SEC14L6: variants seen among roughly 807,000 people sequenced by gnomAD.
SEC14L6 encodes SEC14-like protein 6.
SEC14L6 carries 40 observed loss-of-function variants against 54.1 expected under a neutral mutation model. The observed-to-expected ratio is 0.74, with a 90% confidence interval of 0.57 to 0.96. SEC14L6 has a LOEUF of 0.96. Among genes scored for constraint, SEC14L6 ranks in the 40% least tolerant of loss-of-function variants. The probability of loss-of-function intolerance (pLI) is 0.00; values close to 1 mark genes in which losing one functional copy is unlikely to be tolerated. For synonymous variants in SEC14L6, 171 were observed against 198.4 expected (o/e 0.86, Z 1.16); for missense variants, 471 against 498.3 (o/e 0.95, Z 0.52).
rs1224013209 is a variant in SEC14L6, at chr22:30,544,126, C to T, written c.54+2503G>A. 2.6e-5 allele frequency: 34 copies of T among 1,311,874 alleles called. No homozygotes were observed. In the East Asian group the frequency reaches 7.5e-4, roughly 29 times the overall value. The allele number at this position is 1,311,874 out of a possible 1,614,324, so 81.3% of individuals were successfully genotyped here. A position where few individuals can be genotyped will look rare whatever the true frequency, so the allele number is the denominator to read the frequency against. On this transcript the variant is annotated intron_variant, in intron 1 of 11. Coordinates refer to ENST00000402034, the MANE Select transcript of SEC14L6 (RefSeq NM_001193336.4). ...TCTAGCACCCATCTCCATGCTCTTC[C>T]TTGTCCCACAAGGAGCCGCCATGAT... is the stretch of plus-strand genomic sequence containing the variant.
At chr22:30,537,854 T>A (rs1008810171) in intron 2 of SEC14L6, among the ~76,000 whole-genome samples, 1 of 152,270 alleles carries the variant, frequency 6.6e-6, no homozygotes, top group Non-Finnish European at 1.5e-5. Context: ...CTTTTCTGTC[T>A]ATAAAGCCAA....
rs753028198 is a variant in SEC14L6, at chr22:30,525,486, G to A, written c.945C>T (p.Gly315=). Residue 315 remains glycine, a synonymous_variant, in exon 11 of 12, where the codon GGC becomes GGT. Coordinates refer to ENST00000402034, the MANE Select transcript of SEC14L6 (RefSeq NM_001193336.4). ...TCTTGGTCTTCAGGAAAACCCCAAA[G>A]CCAATGTCCCCACCATCTGAAGCAA... ...WQFASDGGDI[G]FGVFLKTKMG... 1.4e-5 allele frequency: 22 copies of A among 1,613,996 alleles called. No individual in the cohort carries two copies. The African/African-American group carries it at 2.7e-4, about 20-fold the overall frequency.
intron 6 of SEC14L6, 68 bp from the exon 7 acceptor site, chr22:30,529,417 C>T: frequency 7.9e-7 from 1 of 1,259,916 alleles, no homozygotes; most frequent in South Asian, 1.3e-5. Flanking sequence ...TCTCGCCCCA[C>T]CCTCCAGGAC....
intron 1 of SEC14L6, chr22:30,543,240 T>G (rs1035133832): frequency 8.6e-5 from 137 of 1,599,412 alleles, no homozygotes; most frequent in Non-Finnish European, 1.1e-4. Flanking sequence ...ACATTCACTC[T>G]CAAGTCATCT....
At chr22:30,542,132 T>TC (rs2085729105) in intron 1 of SEC14L6, among the ~76,000 whole-genome samples, 1 of 151,668 alleles carries the variant, frequency 6.6e-6, no homozygotes, top group African/African-American at 2.4e-5. Flanking sequence ...ACCGCGACCC[T>TC]CCCCATCCGT....
chr22:30,529,513 C>A (rs1308331360), intron 6 of SEC14L6, among the ~76,000 whole-genome samples, 164 bp from the exon 7 acceptor site: 1 of 152,158 alleles, frequency 6.6e-6, no homozygotes, highest in Non-Finnish European at 1.5e-5. Flanking sequence ...AAGAACCCAC[C>A]CAGACACAGA....
In SEC14L6 at chr22:30,544,035, C is replaced by T. The variant is rs2085771589; in HGVS notation, c.54+2594G>A. On this transcript the variant is annotated intron_variant, in intron 1 of 11. Transcript: ENST00000402034. ...CCCCCAAGCAGCTGGCCCCCAAGCC[C>T]GAGCTGTCCTTCTCAGAGTATGCCA... 3.2e-6 allele frequency: 5 copies of T among 1,558,684 alleles called. No individual in the cohort carries two copies. The South Asian group carries it at 3.3e-5, about 10-fold the overall frequency.
chr22:30,544,429 C>T lies in SEC14L6; in HGVS notation c.54+2200G>A, dbSNP rs572213155. Reference sequence around the variant, plus strand: ...TGACTACCTCCCCGATGCTCCGAAGCCTGATCTTCCAGGGTGGGGAGGAGA... The same window carrying T: ...TGACTACCTCCCCGATGCTCCGAAGTCTGATCTTCCAGGGTGGGGAGGAGA... On this transcript the variant is annotated intron_variant, in intron 1 of 11. Transcript: ENST00000402034. The T allele has an allele frequency of 6.4e-5, 11 of 172,898 alleles. No homozygotes were observed. The South Asian group carries it at 1.7e-3, about 26-fold the overall frequency. 10.7% of individuals were successfully genotyped at this position (172,898 alleles called of 1,614,324 possible).
At chr22:30,540,866 A>G (rs529233707) in intron 1 of SEC14L6, among the ~76,000 whole-genome samples, 293 of 152,094 alleles carry the variant, frequency 1.9e-3, no homozygotes, top group Middle Eastern at 6.8e-3. Context: ...TAAAAATACA[A>G]AAATTAGCTG....
chr22:30,532,078 A>G, intron 5 of SEC14L6, 80 bp from the exon 6 acceptor site: 1 of 1,506,958 alleles, frequency 6.6e-7, no homozygotes, highest in Admixed American at 2.2e-5. Flanking sequence ...GCCTAAGCCC[A>G]GGGCACTGGC....
At chr22:30,529,419 C>A in intron 6 of SEC14L6, 70 bp from the exon 7 acceptor site, 1 of 1,263,384 alleles carries the variant, frequency 7.9e-7, no homozygotes, top group South Asian at 1.3e-5. Context: ...TCGCCCCACC[C>A]TCCAGGACCC....
chr22:30,538,910 C>T lies in SEC14L6; in HGVS notation c.55-8G>A. The T allele has an allele frequency of 6.5e-7, 1 of 1,549,134 alleles. No individual in the cohort carries two copies. The highest frequency in any genetic ancestry group is 2.0e-5 in the Admixed American group (1 of 50,982). The stretch of plus-strand genomic sequence containing the variant: ...TTGGATGTTCTCCCGGAACTGAGGA[C>T]AGACAGGGAGAGACCTGGGTCAGAG... On this transcript the variant is annotated splice_region_variant and splice_polypyrimidine_tract_variant and intron_variant, in intron 1 of 11. Transcript: ENST00000402034.
intron 1 of SEC14L6, among the ~76,000 whole-genome samples, chr22:30,545,476 T>C (rs1409463739): frequency 6.6e-6 from 1 of 151,466 alleles, no homozygotes; most frequent in East Asian, 2.0e-4. Context: ...CTCACCGCAG[T>C]CTCGACCTCC....
chr22:30,536,992 C>T (rs2085610309), intron 2 of SEC14L6, among the ~76,000 whole-genome samples: 1 of 144,802 alleles, frequency 6.9e-6, no homozygotes, highest in Non-Finnish European at 1.5e-5. Context: ...CCACTGCACT[C>T]CAGCCTGGGT....
intron 3 of SEC14L6, among the ~76,000 whole-genome samples, chr22:30,533,557 C>T (rs1437879477): frequency 6.7e-6 from 1 of 150,246 alleles, no homozygotes; most frequent in Non-Finnish European, 1.5e-5. Flanking sequence ...GCTAAGATCA[C>T]GTCATTATAC....
intron 2 of SEC14L6, among the ~76,000 whole-genome samples, chr22:30,535,567 A>G (rs1358863079): frequency 1.3e-5 from 2 of 152,224 alleles, no homozygotes; most frequent in East Asian, 1.9e-4. Context: ...TAAGAGGCAG[A>G]GCGGGGACTA....
intron 1 of SEC14L6, among the ~76,000 whole-genome samples, chr22:30,546,213 A>C (rs948389843): frequency 6.6e-6 from 1 of 151,824 alleles, no homozygotes; most frequent in Non-Finnish European, 1.5e-5. Flanking sequence ...TTAAAACCCC[A>C]TCTCTACTAA....
At chr22:30,526,432 C>T (rs1324522798) in intron 8 of SEC14L6, among the ~76,000 whole-genome samples, 1 of 152,176 alleles carries the variant, frequency 6.6e-6, no homozygotes, top group Admixed American at 6.5e-5. Context: ...CAAGGATGTT[C>T]CACAAAGGGA....
At chr22:30,525,223 C>T (rs1432351790) in intron 11 of SEC14L6, 114 bp from the exon 12 acceptor site, 4 of 1,342,148 alleles carry the variant, frequency 3.0e-6, no homozygotes, top group East Asian at 2.5e-5. Context: ...CAATTGAGAG[C>T]CCAGAGCCAG....
Sources: allele counts gnomAD v4.1 joint callset (sites outside exome capture counted in the v4.1 genomes callset), GRCh38; gene constraint gnomAD v4.1.1; transcripts MANE v1.5; gene names NCBI Gene and HGNC (gene_info 2026-07-23, HGNC 2026-07-21).